The following C3orf33 variants were observed in gnomAD, a reference collection of about 807,000 sequenced individuals.
C3orf33 encodes the protein mitochondrial inner membrane subdomain organizer 1, also known as AP-1 activity suppressor.
A neutral mutation model predicts 28.7 loss-of-function variants in C3orf33; 23 were observed. The ratio of observed to expected loss-of-function variants is 0.80; its 90% CI spans 0.58 to 1.13. C3orf33 has a LOEUF of 1.13. Among genes scored for constraint, C3orf33 ranks in the 50% most tolerant of loss-of-function variants. The probability of loss-of-function intolerance (pLI) is 0.00; values close to 1 mark genes in which losing one functional copy is unlikely to be tolerated. For missense variants in C3orf33, 327 were observed against 353.4 expected (o/e 0.93, Z 0.60); for synonymous variants, 119 against 120.5 (o/e 0.99, Z 0.08).
chr3:155,799,667 G>A (rs1751583462), intron 2 of C3orf33, among the ~76,000 whole-genome samples: 1 of 152,132 alleles, frequency 6.6e-6, no homozygotes, highest in African/African-American at 2.4e-5. Context: ...CAACCTGGGT[G>A]ACAGAGTGAG....
intron 2 of C3orf33, among the ~76,000 whole-genome samples, chr3:155,783,300 G>A (rs932980407): frequency 8.0e-5 from 12 of 150,754 alleles, no homozygotes; most frequent in Non-Finnish European, 1.3e-4. Flanking sequence ...GATTACAGGC[G>A]TGTGCCACCA....
At position 155,788,530 on chromosome 3, in the gene C3orf33, A is replaced by G. The variant is rs565370752; in HGVS notation, c.175-12682T>C. ...AAACCCTGTCTCTACTAAAAATACA[A>G]AAATTAGCTGGCTGTGGTGGCACAG... On this transcript the variant is annotated intron_variant, in intron 2 of 4. Transcript: ENST00000340171. Among the ~76,000 whole-genome samples the G allele has an allele frequency of 3.3e-5, 5 of 152,132 alleles. No homozygotes were observed. The East Asian group carries it at 9.7e-4, about 29-fold the overall frequency.
chr3:155,775,883 A>C (rs1354211729), intron 2 of C3orf33, 35 bp from the exon 3 acceptor site: 1 of 1,433,234 alleles, frequency 7.0e-7, no homozygotes, highest in African/African-American at 1.4e-5. Flanking sequence ...ATAACCACTT[A>C]TTATTATTGT....
At chr3:155,766,320 A>T (rs1157812561) in intron 4 of C3orf33, among the ~76,000 whole-genome samples, 1 of 152,266 alleles carries the variant, frequency 6.6e-6, no homozygotes, top group Non-Finnish European at 1.5e-5. Flanking sequence ...ATTCAGCAAC[A>T]AAGATGAAAC....
chr3:155,767,207 G>A lies in C3orf33; in HGVS notation c.483+302C>T, dbSNP rs912534180. Among the ~76,000 whole-genome samples the A allele has an allele frequency of 7.4e-5, 11 of 148,528 alleles. No individual in the cohort carries two copies. In the South Asian group the frequency reaches 1.5e-3, roughly 20 times the overall value. ...GGCAGAGGTTGCAGTGGCCGAGATCGTGCCACTGCACTCCAGCCTGGCAAC... is the reference window on the plus strand; with the variant it reads ...GGCAGAGGTTGCAGTGGCCGAGATCATGCCACTGCACTCCAGCCTGGCAAC... On this transcript the variant is annotated intron_variant, in intron 4 of 4. Transcript: ENST00000340171.
At chr3:155,797,459 C>T (rs1157004852) in intron 2 of C3orf33, among the ~76,000 whole-genome samples, 1 of 152,062 alleles carries the variant, frequency 6.6e-6, no homozygotes, top group Non-Finnish European at 1.5e-5. Flanking sequence ...CTAGCTAGAG[C>T]ACTCAGACAA....
At chr3:155,799,229 A>G (rs1751570795) in intron 2 of C3orf33, among the ~76,000 whole-genome samples, 1 of 152,250 alleles carries the variant, frequency 6.6e-6, no homozygotes, top group African/African-American at 2.4e-5. Flanking sequence ...CAAAAAACTA[A>G]AAATAGAAGT....
At chr3:155,791,387 C>A (rs968906115) in intron 2 of C3orf33, among the ~76,000 whole-genome samples, 8 of 152,166 alleles carry the variant, frequency 5.3e-5, no homozygotes, top group Non-Finnish European at 1.0e-4. Flanking sequence ...AGGTGTGACT[C>A]AGCACATTAC....
chr3:155,779,204 C>T (rs1167460910), intron 2 of C3orf33, among the ~76,000 whole-genome samples: 4 of 152,138 alleles, frequency 2.6e-5, no homozygotes, highest in Non-Finnish European at 5.9e-5. Context: ...CCTAAGGTAA[C>T]GCTTTTAGGA....
intron 2 of C3orf33, among the ~76,000 whole-genome samples, chr3:155,790,811 A>G (rs1751292652): frequency 6.6e-6 from 1 of 152,220 alleles, no homozygotes; most frequent in Admixed American, 6.5e-5. Flanking sequence ...GCCAGCAGTC[A>G]CAACCTGAGG....
At chr3:155,764,627 C>T (rs1440735772) in intron 4 of C3orf33, among the ~76,000 whole-genome samples, 2 of 151,088 alleles carry the variant, frequency 1.3e-5, no homozygotes, top group Non-Finnish European at 2.9e-5. Context: ...CCGAGGCGGG[C>T]AGATCACAAG....
chr3:155,772,544 G>T (rs1176599072), intron 3 of C3orf33, among the ~76,000 whole-genome samples: 1 of 151,446 alleles, frequency 6.6e-6, no homozygotes, highest in Non-Finnish European at 1.5e-5. Flanking sequence ...GAAGTTGTAT[G>T]ACAGCAGAAT....
At chr3:155,776,214 TTC>T (rs1750741450) in intron 2 of C3orf33, among the ~76,000 whole-genome samples, 1 of 152,202 alleles carries the variant, frequency 6.6e-6, no homozygotes, top group Non-Finnish European at 1.5e-5. Flanking sequence ...GTACAATCTA[TTC>T]ATGCATATAC....
intron 2 of C3orf33, among the ~76,000 whole-genome samples, chr3:155,789,609 G>T (rs1163615920): frequency 6.6e-6 from 1 of 151,440 alleles, no homozygotes; most frequent in Non-Finnish European, 1.5e-5. Context: ...TCAGAAATAG[G>T]AAAATCCATC....
chr3:155,765,907 T>C (rs540134422), intron 4 of C3orf33, among the ~76,000 whole-genome samples: 2 of 152,224 alleles, frequency 1.3e-5, no homozygotes, highest in African/African-American at 4.8e-5. Flanking sequence ...CAATTAGTTT[T>C]AGATAATTCT....
intron 2 of C3orf33, among the ~76,000 whole-genome samples, chr3:155,789,350 A>AG (rs199575877): frequency 0.014 from 2,180 of 151,810 alleles, 29 homozygotes; most frequent in South Asian, 0.04. Context: ...GTCTCAAAAA[A>AG]AAAAAAAAAA....
At chr3:155,773,515 T>G (rs1290355825) in intron 3 of C3orf33, among the ~76,000 whole-genome samples, 1 of 152,198 alleles carries the variant, frequency 6.6e-6, no homozygotes, top group African/African-American at 2.4e-5. Flanking sequence ...TAGAAAATAT[T>G]AAAATAACTG....
Position 155,767,614 on chromosome 3 carries a change from AG to A in C3orf33, c.377del (p.Thr126MetfsTer10), listed in dbSNP as rs777898573. On this transcript the variant is annotated frameshift_variant, in exon 4 of 5. Transcript: ENST00000340171. LOFTEE classifies it high-confidence loss of function. ...VKLAGVELAETGKAWLQKELK... is the reference protein window; with the variant it reads ...VKLAGVELAEXGKAWLQKELK... ...GCTCTTTTTGTAACCATGCCTTCCC[AG>A]TTTCAGCGAGTTCTACTCCAGCCAA... The A allele has an allele frequency of 3.1e-6, 5 of 1,588,550 alleles. No homozygotes were observed. The highest frequency in any genetic ancestry group is 4.3e-6 in the Non-Finnish European group (5 of 1,164,486).
intron 2 of C3orf33, among the ~76,000 whole-genome samples, chr3:155,783,902 T>TTTTTG (rs773041249): frequency 5.3e-5 from 8 of 151,936 alleles, no homozygotes; most frequent in South Asian, 4.1e-4. Context: ...TTTATGGGTT[T>TTTTTG]TTTTGTTTTG....
Sources: gnomAD v4.1 joint callset for allele counts (sites outside exome capture counted in the v4.1 genomes callset) on GRCh38, gnomAD v4.1.1 for gene constraint, MANE v1.5 for transcripts, NCBI Gene and HGNC (gene_info 2026-07-23, HGNC 2026-07-21) for gene names.